Variants in GSE1 observed in about 807,000 individuals in gnomAD.
GSE1 encodes the protein genetic suppressor element 1.
GSE1 carries 32 observed loss-of-function variants against 112.6 expected under a neutral mutation model. The observed-to-expected ratio is 0.28, with a 90% CI of 0.21 to 0.38. The LOEUF (loss-of-function observed/expected upper bound fraction) is 0.38. GSE1 is among the 10% of genes least tolerant of loss of function. GSE1 has a pLI of 1.00. For synonymous variants in GSE1, 1,115 were observed against 735.6 expected, an observed-to-expected ratio of 1.52 and a Z score of -8.35; for missense variants, 2,348 against 1,699.2, an observed-to-expected ratio of 1.38 and a Z score of -6.71.
chr16:85,655,949 G>A (rs1333890582), intron 6 of GSE1, 32 bp downstream of exon 6: 2 of 1,554,774 alleles, frequency 1.3e-6, no homozygotes, highest in Non-Finnish European at 1.7e-6. Context: ...GAGCCCCTCT[G>A]CCCTCCCTGT....
chr16:85,629,194 G>A (rs986145780), intron 1 of GSE1, among the ~76,000 whole-genome samples: 1 of 152,216 alleles, frequency 6.6e-6, no homozygotes, highest in Non-Finnish European at 1.5e-5. Flanking sequence ...AGAGTCAGGA[G>A]CCAAAATAAG....
At chr16:85,462,701 G>C (rs1272602511) in intron 2 of GSE1, among the ~76,000 whole-genome samples, 1 of 91,978 alleles carries the variant, frequency 1.1e-5, no homozygotes, top group African/African-American at 4.3e-5. Flanking sequence ...GCGCCGCGGC[G>C]CGGGAGGGAG....
chr16:85,667,231 G>A (rs901262962), intron 13 of GSE1, among the ~76,000 whole-genome samples: 3 of 152,236 alleles, frequency 2.0e-5, no homozygotes, highest in African/African-American at 7.2e-5. Context: ...GACACTTTCT[G>A]CCTTATTCTG....
chr16:85,560,986 G>C (rs1031580823), intron 1 of GSE1, among the ~76,000 whole-genome samples: 1 of 152,036 alleles, frequency 6.6e-6, no homozygotes, highest in African/African-American at 2.4e-5. Context: ...GAAACAATTA[G>C]TCGATCGTGG....
intron 1 of GSE1, among the ~76,000 whole-genome samples, chr16:85,255,459 C>T (rs1453636113): frequency 9.9e-5 from 15 of 150,966 alleles, no homozygotes; most frequent in East Asian, 5.8e-4. Flanking sequence ...TTGCCCAGGC[C>T]GGAGCGCAGT....
At position 85,189,331 on chromosome 16, in the gene GSE1, C is replaced by T. The variant is rs76279377; in HGVS notation, c.2283+17524C>T. ...ATATGTGTAAGCCCTGTTTCTCCAA[C>T]TAGATAGAAAAAATAGCTAAAATTT... On this transcript the variant is annotated intron_variant, in intron 1 of 2. Coordinates refer to the GSE1 transcript ENST00000637419. Among the ~76,000 whole-genome samples, 79 of 152,292 alleles carry T rather than the reference C, an allele frequency of 5.2e-4. 1 individual carries two copies. The East Asian group carries it at 0.011, about 22-fold the overall frequency.
exon 1 of GSE1, chr16:85,170,766 C>T: frequency 1.0e-6 from 1 of 985,496 alleles, no homozygotes; most frequent in Non-Finnish European, 1.2e-6. Flanking sequence ...AGCCCATCAG[C>T]GAGGGCGGCA....
chr16:85,631,035 G>A (rs1031513021), intron 1 of GSE1, among the ~76,000 whole-genome samples: 5 of 152,090 alleles, frequency 3.3e-5, no homozygotes, highest in African/African-American at 7.2e-5. Context: ...TGCGTTCCCC[G>A]GGGCCCTGCT....
At chr16:85,568,490 T>A (rs1211883975) in intron 1 of GSE1, among the ~76,000 whole-genome samples, 2 of 152,240 alleles carry the variant, frequency 1.3e-5, no homozygotes, top group Non-Finnish European at 2.9e-5. Context: ...ATGAGCTATG[T>A]CTGATTTTTA....
chr16:85,579,297 CA>C (rs1268625697), intron 1 of GSE1, among the ~76,000 whole-genome samples: 1 of 152,106 alleles, frequency 6.6e-6, no homozygotes, highest in Non-Finnish European at 1.5e-5. Flanking sequence ...GGGGTTTTTC[CA>C]AAAACTAACC....
At position 85,541,016 on chromosome 16, in the gene GSE1, G is replaced by A. The variant is rs909019499; in HGVS notation, c.2465-92898G>A. The stretch of plus-strand genomic sequence containing the variant: ...CCAAGCAGGGTGGTGTGGCGGGGAT[G>A]GGGGTAGGGGCAGAGACAGAGCCTG... On this transcript the variant is annotated intron_variant, in intron 2 of 2. Coordinates refer to the GSE1 transcript ENST00000637419. Among the ~76,000 whole-genome samples the A allele has an allele frequency of 2.0e-5, 3 of 152,174 alleles. No homozygotes were observed. The East Asian group carries it at 5.8e-4, about 29-fold the overall frequency.
rs575494087 is a variant in GSE1, at chr16:85,667,814, C to A, written c.3131-326C>A. Among the ~76,000 whole-genome samples, 3 of 152,172 alleles carry A rather than the reference C, an allele frequency of 2.0e-5. 1 individual carries two copies. The East Asian group carries it at 5.8e-4, about 29-fold the overall frequency. ...GGGAAGTTGCAGTGAGCCGAGATCA[C>A]GCCATTTCTCTCCAGCCTGCTACCC... On this transcript the variant is annotated intron_variant, in intron 13 of 15. Coordinates refer to ENST00000253458, the MANE Select transcript of GSE1 (RefSeq NM_014615.5).
rs557325525 is a variant in GSE1, at chr16:85,455,069, C to T, written c.2464+97426C>T. Among the ~76,000 whole-genome samples, 3 of 152,370 alleles carry T rather than the reference C, an allele frequency of 2.0e-5. No homozygotes were observed. In the East Asian group the frequency reaches 5.8e-4, roughly 29 times the overall value. On this transcript the variant is annotated intron_variant, in intron 2 of 2. Coordinates refer to the GSE1 transcript ENST00000637419. ...GGGGACACGGGTGCATCCCACGAGG[C>T]TTCGTAAGCATCAGAGGAGCGGGTT... is the stretch of plus-strand genomic sequence containing the variant.
intron 1 of GSE1, among the ~76,000 whole-genome samples, chr16:85,302,815 G>A (rs1364892129): frequency 6.6e-6 from 1 of 152,224 alleles, no homozygotes; most frequent in African/African-American, 2.4e-5. Context: ...GTGCTGGGCA[G>A]GGTGGGTGAG....
At chr16:85,386,786 C>A (rs947305176) in intron 2 of GSE1, among the ~76,000 whole-genome samples, 4 of 152,196 alleles carry the variant, frequency 2.6e-5, no homozygotes, top group Admixed American at 2.0e-4. Context: ...CCTGGGACAC[C>A]CCTTCCAGAG....
chr16:85,412,913 C>T (rs1399645187), intron 2 of GSE1, among the ~76,000 whole-genome samples: 1 of 152,220 alleles, frequency 6.6e-6, no homozygotes, highest in African/African-American at 2.4e-5. Flanking sequence ...ATCCAGCCCA[C>T]CCCAGCCCCT....
intron 3 of GSE1, among the ~76,000 whole-genome samples, chr16:85,653,960 GC>G (rs574639306): frequency 2.6e-5 from 4 of 152,132 alleles, no homozygotes; most frequent in Non-Finnish European, 4.4e-5. Flanking sequence ...AGGAGCCCCT[GC>G]CACCCTGCAT....
intron 2 of GSE1, among the ~76,000 whole-genome samples, chr16:85,423,682 CTT>C (rs556758343): frequency 8.2e-4 from 125 of 152,154 alleles, no homozygotes; most frequent in Non-Finnish European, 9.3e-4. Flanking sequence ...GAGTGGGAGT[CTT>C]ACTCCACCAA....
At chr16:85,456,595 T>A (rs1597809531) in intron 2 of GSE1, among the ~76,000 whole-genome samples, 2 of 142,216 alleles carry the variant, frequency 1.4e-5, no homozygotes, top group African/African-American at 5.5e-5. Context: ...TGTGTGTGTG[T>A]GTGTGTGTGT....
Sources: allele counts gnomAD v4.1 joint callset (sites outside exome capture counted in the v4.1 genomes callset), GRCh38; gene constraint gnomAD v4.1.1; transcripts MANE v1.5; gene names NCBI Gene and HGNC (gene_info 2026-07-23, HGNC 2026-07-21).